SPIDR: variants seen among roughly 807,000 people sequenced by gnomAD.
SPIDR encodes scaffold protein involved in DNA repair.
Under a neutral mutation model 104.6 loss-of-function variants are expected in SPIDR, and 93 were observed. The ratio of observed to expected loss-of-function variants is 0.89; its 90% CI spans 0.75 to 1.06. The LOEUF (loss-of-function observed/expected upper bound fraction) is 1.06, where lower values mean the gene tolerates loss of function less well. SPIDR is among the 50% of genes least tolerant of loss of function. The pLI is 0.00. For synonymous variants in SPIDR, 431 were observed against 416.9 expected (o/e 1.03, Z -0.41); for missense variants, 1,154 against 1,111.2 (o/e 1.04, Z -0.55).
At chr8:47,643,557 G>A (rs2129618) in intron 10 of SPIDR, among the ~76,000 whole-genome samples, 68,038 of 151,526 alleles carry the variant, frequency 0.45, 18,440 homozygotes, top group East Asian at 0.65. Context: ...TTCTAGAGAC[G>A]GTTTCATCAT....
intron 16 of SPIDR, among the ~76,000 whole-genome samples, chr8:47,720,027 C>A (rs2083176353): frequency 6.6e-6 from 1 of 152,246 alleles, no homozygotes; most frequent in Non-Finnish European, 1.5e-5. Flanking sequence ...CCTCCCTCCC[C>A]ACTGACTACT....
At chr8:47,641,520 A>G (rs2068998381) in intron 10 of SPIDR, among the ~76,000 whole-genome samples, 1 of 152,218 alleles carries the variant, frequency 6.6e-6, no homozygotes, top group African/African-American at 2.4e-5. Context: ...TTAAAACAGT[A>G]TGGCCATTAC....
chr8:47,350,246 G>T lies in SPIDR; in HGVS notation c.526-46130G>T, dbSNP rs969530152. Among the ~76,000 whole-genome samples, 78 of 152,226 alleles carry T rather than the reference G, an allele frequency of 5.1e-4. 1 individual carries two copies. Among genetic ancestry groups the T allele is most frequent in the Non-Finnish European group, 1.0e-4 (7 of 68,030 alleles). On this transcript the variant is annotated intron_variant, in intron 5 of 19. Coordinates refer to ENST00000297423, the MANE Select transcript of SPIDR (RefSeq NM_001080394.4). ...GAAAATGCTCTGAGCAGCTCTGAGT[G>T]TGATTGCTAAGATTAGCGATTTTAA...
At chr8:47,640,682 T>TTGC (rs2068727471) in intron 10 of SPIDR, among the ~76,000 whole-genome samples, 1 of 151,054 alleles carries the variant, frequency 6.6e-6, no homozygotes, top group African/African-American at 2.4e-5. Flanking sequence ...TTGTTTTTTG[T>TTGC]TGTTGTTGTT....
At chr8:47,523,623 T>G (rs1352067889) in intron 8 of SPIDR, among the ~76,000 whole-genome samples, 1 of 152,194 alleles carries the variant, frequency 6.6e-6, no homozygotes, top group Non-Finnish European at 1.5e-5. Context: ...CGGCTGGTGA[T>G]GGGGGTCAGG....
intron 8 of SPIDR, among the ~76,000 whole-genome samples, chr8:47,545,659 C>G (rs1483214489): frequency 6.6e-6 from 1 of 152,096 alleles, no homozygotes; most frequent in Non-Finnish European, 1.5e-5. Context: ...GCTAGAACTT[C>G]CGGTACTACA....
At chr8:47,329,935 G>A (rs28533391) in intron 5 of SPIDR, among the ~76,000 whole-genome samples, 4,248 of 152,112 alleles carry the variant, frequency 0.028, 208 homozygotes, top group African/African-American at 0.095. Context: ...GTACAATTAC[G>A]TACATATTTT....
At chr8:47,400,871 G>A (rs1319223788) in intron 6 of SPIDR, among the ~76,000 whole-genome samples, 3 of 152,050 alleles carry the variant, frequency 2.0e-5, no homozygotes, top group Non-Finnish European at 4.4e-5. Flanking sequence ...TGGTGTACCT[G>A]AAAGTTACAG....
chr8:47,525,908 G>A (rs2084912633), intron 8 of SPIDR, among the ~76,000 whole-genome samples: 1 of 152,186 alleles, frequency 6.6e-6, no homozygotes, highest in Admixed American at 6.5e-5. Context: ...AAGTGTGGGG[G>A]GCTTACCCCT....
At chr8:47,399,886 A>T (rs1042560034) in intron 6 of SPIDR, among the ~76,000 whole-genome samples, 27 of 152,194 alleles carry the variant, frequency 1.8e-4, no homozygotes, top group African/African-American at 6.5e-4. Context: ...ACTAGAGGTG[A>T]TGAGCTGGGG....
intron 18 of SPIDR, 102 bp from the exon 19 acceptor site, chr8:47,729,310 G>T: frequency 6.7e-7 from 1 of 1,491,876 alleles, no homozygotes; most frequent in Non-Finnish European, 9.0e-7. Context: ...CTGAAGACAG[G>T]TGGTTTGGAT....
At chr8:47,613,243 T>C (rs1481859857) in intron 10 of SPIDR, among the ~76,000 whole-genome samples, 1 of 152,260 alleles carries the variant, frequency 6.6e-6, no homozygotes, top group Non-Finnish European at 1.5e-5. Flanking sequence ...AATAGAATGA[T>C]AACAGCATCT....
intron 8 of SPIDR, among the ~76,000 whole-genome samples, chr8:47,554,526 C>T (rs562136278): frequency 1.1e-4 from 16 of 152,360 alleles, no homozygotes; most frequent in East Asian, 9.6e-4. Context: ...GAGCTAGGCT[C>T]CGTGGGCATG....
intron 8 of SPIDR, among the ~76,000 whole-genome samples, chr8:47,471,409 C>T (rs1301934747): frequency 6.7e-6 from 1 of 149,936 alleles, no homozygotes; most frequent in Admixed American, 6.6e-5. Flanking sequence ...TACTAATTGC[C>T]AATAAACACA....
intron 8 of SPIDR, among the ~76,000 whole-genome samples, chr8:47,486,861 G>T (rs1247226725): frequency 6.6e-6 from 1 of 152,124 alleles, no homozygotes; most frequent in South Asian, 2.1e-4. Flanking sequence ...CACTAAACGC[G>T]GAAAGGAACA....
chr8:47,450,393 G>A lies in SPIDR; in HGVS notation c.1097+9851G>A, dbSNP rs557294446. 1.5e-4 allele frequency among the ~76,000 whole-genome samples: 23 copies of A among 152,250 alleles called. No individual in the cohort carries two copies. The South Asian group carries it at 4.8e-3, about 32-fold the overall frequency. On this transcript the variant is annotated intron_variant, in intron 8 of 19. Transcript: ENST00000297423. ...TGACATAAATCCATTCAGGAAGGTA[G>A]CACCCTCATAATTTATTAGGTCCCA...
chr8:47,398,237 G>A (rs182723130), intron 6 of SPIDR, among the ~76,000 whole-genome samples: 23 of 152,328 alleles, frequency 1.5e-4, no homozygotes, highest in Non-Finnish European at 2.8e-4. Context: ...GATGCCATGC[G>A]ATTACAGAAA....
intron 7 of SPIDR, among the ~76,000 whole-genome samples, chr8:47,436,226 T>C (rs1272804753): frequency 6.6e-6 from 1 of 152,140 alleles, no homozygotes; most frequent in Non-Finnish European, 1.5e-5. Context: ...GTTAAAGTAT[T>C]TGGGGATTTT....
At chr8:47,264,489 G>A (rs1471728403) in intron 1 of SPIDR, among the ~76,000 whole-genome samples, 1 of 152,048 alleles carries the variant, frequency 6.6e-6, no homozygotes, top group African/African-American at 2.4e-5. Context: ...TCCTCCATGA[G>A]TTTCTCCTGC....
Sources: allele counts gnomAD v4.1 joint callset (sites outside exome capture counted in the v4.1 genomes callset), GRCh38; gene constraint gnomAD v4.1.1; transcripts MANE v1.5; gene names NCBI Gene and HGNC (gene_info 2026-07-23, HGNC 2026-07-21).